CDH16: variants seen among roughly 807,000 people sequenced by gnomAD.
The protein encoded by CDH16 is cadherin 16, also known as cadherin-16.
In CDH16, 79 loss-of-function variants were observed where a neutral mutation model predicts 87.6. That is an observed-to-expected ratio of 0.90 (90% CI 0.75 to 1.09). The LOEUF is 1.09. Among genes scored for constraint, CDH16 ranks in the 50% least tolerant of loss-of-function variants. The pLI is 0.00. For synonymous variants in CDH16, 457 were observed against 439.5 expected (o/e 1.04, Z -0.50); for missense variants, 1,124 against 1,071.7 (o/e 1.05, Z -0.68).
At position 66,914,413 on chromosome 16, in the gene CDH16, C is replaced by G; in HGVS notation, c.584-1G>C. 6.2e-7 allele frequency: 1 copy of G among 1,610,780 alleles called. No individual in the cohort carries two copies. Among genetic ancestry groups the G allele is most frequent in the Non-Finnish European group, 8.5e-7 (1 of 1,177,486 alleles). ...AGGGCGTGGTCAAGGCTGGTGCTCC[C>G]TAGAACAGGGAGGATGGTCAGCTGA... On this transcript the variant is annotated splice_acceptor_variant, in intron 6 of 17. Coordinates refer to ENST00000299752, the MANE Select transcript of CDH16 (RefSeq NM_004062.4). LOFTEE classifies it high-confidence loss of function.
rs1962732804 is a variant in CDH16 at position 66,917,530 on chromosome 16, T to C, written c.129+112A>G. Reference sequence around the variant, plus strand: ...ACCTGTGTAACGTGTACATACTCTCTGGAAAGCAGGATTTCAAAGAGAAAC... The same window carrying C: ...ACCTGTGTAACGTGTACATACTCTCCGGAAAGCAGGATTTCAAAGAGAAAC... On this transcript the variant is annotated intron_variant, in intron 3 of 17. Coordinates refer to ENST00000299752, the MANE Select transcript of CDH16 (RefSeq NM_004062.4). 5.1e-6 allele frequency: 4 copies of C among 779,810 alleles called. No individual in the cohort carries two copies. In the Admixed American group the frequency reaches 8.0e-5, roughly 16 times the overall value. 48.3% of individuals were successfully genotyped at this position (779,810 alleles called of 1,614,324 possible). A position where few individuals can be genotyped will look rare whatever the true frequency, so the allele number is the denominator to read the frequency against.
At position 66,912,716 on chromosome 16, in the gene CDH16, G is replaced by T. The variant is rs778877231; in HGVS notation, c.1230C>A (p.Gly410=). The T allele has an allele frequency of 6.2e-7, 1 of 1,613,926 alleles. No homozygotes were observed. Among genetic ancestry groups the T allele is most frequent in the Admixed American group, 1.7e-5 (1 of 60,012 alleles). The part of the protein sequence containing the change: ...VTLGVLPLRA[G]QNILLLVLAM... ...CCAGCACCAGAAGCAGGATGTTCTG[G>T]CCTGCTCGGAGTGGGAGCACCCCCA... Residue 410 remains glycine, a synonymous_variant, in exon 10 of 18, where the codon GGC becomes GGA. Coordinates refer to ENST00000299752, the MANE Select transcript of CDH16 (RefSeq NM_004062.4).
At position 66,916,258 on chromosome 16, in the gene CDH16, C is replaced by A. The variant is rs762743558; in HGVS notation, c.285+16G>T. 4 of 1,613,786 alleles carry A rather than the reference C, an allele frequency of 2.5e-6. No individual in the cohort carries two copies. The highest frequency in any genetic ancestry group is 2.2e-5 in the South Asian group (2 of 91,082). On this transcript the variant is annotated intron_variant, in intron 4 of 17. Coordinates refer to ENST00000299752, the MANE Select transcript of CDH16 (RefSeq NM_004062.4). This position sits in a 1 kb window ranked among gnomAD's most constrained non-coding sequence, Gnocchi z 4.1. The stretch of plus-strand genomic sequence containing the variant: ...TCTGCCTTGCCTGCTCTCCCCTACA[C>A]CTGGCCCAGCCATACCTGTAGCTGG...
rs1477633257 is a variant in CDH16, at chr16:66,916,092, C to A, written c.397G>T (p.Ala133Ser). The A allele has an allele frequency of 1.9e-6, 3 of 1,614,140 alleles. No homozygotes were observed. The Admixed American group carries it at 5.0e-5, about 27-fold the overall frequency. ...VPHFSQAIYRARLSRGTRPGI... is the reference protein window; with the variant it reads ...VPHFSQAIYRSRLSRGTRPGI... ...GGCCTGGTACCCCGGCTCAGCCGAG[C>A]TCTGTAGATGGCTTGAGAGAAATGG... Residue 133 changes from alanine to serine, a missense_variant, in exon 5 of 18, where the codon GCT becomes TCT. By Grantham distance (99) the Ala-to-Ser change is moderately conservative. Coordinates refer to ENST00000299752, the MANE Select transcript of CDH16 (RefSeq NM_004062.4). The surrounding 1 kb of genome is among the most constrained non-coding windows in gnomAD (Gnocchi z 4.1).
chr16:66,911,942 G>T lies in CDH16; in HGVS notation c.1747C>A (p.Leu583Met). The change falls in exon 13 of 18, where the codon CTG becomes ATG. Residue 583 changes from leucine to methionine, a missense_variant. Transcript: ENST00000299752. ...VPISAPAGSF[L>M]LTIQPSDPIS... is the part of the protein sequence containing the mutation. Reference sequence around the variant, plus strand: ...GGGTCGGAGGGCTGGATGGTCAGCAGGAAAGAGCCGGCTGGGGCACTGATG... The same window carrying T: ...GGGTCGGAGGGCTGGATGGTCAGCATGAAAGAGCCGGCTGGGGCACTGATG... The T allele has an allele frequency of 6.2e-7, 1 of 1,612,518 alleles. No individual in the cohort carries two copies. The highest frequency in any genetic ancestry group is 8.5e-7 in the Non-Finnish European group (1 of 1,178,764).
rs1256199153 is a variant in CDH16, at chr16:66,911,224, G to A, written c.1882C>T (p.Pro628Ser). ...ACAAGCACCGTGTAGGTGTCCCCAG[G>A]CTGGGCGCCCTGCAGGGACTGGGCG... ...HTAQSLQGAQ[P>S]GDTYTVLVEA... is the part of the protein sequence containing the mutation. Residue 628 changes from proline (P) to serine (S), a missense_variant, in exon 14 of 18, where the codon CCT becomes TCT. Coordinates refer to ENST00000299752, the MANE Select transcript of CDH16 (RefSeq NM_004062.4). 4.3e-6 allele frequency: 7 copies of A among 1,613,500 alleles called. No homozygotes were observed. The South Asian group carries it at 5.5e-5, about 13-fold the overall frequency.
At chr16:66,911,659 G>T (rs1962421263) in intron 13 of CDH16, among the ~76,000 whole-genome samples, 1 of 152,194 alleles carries the variant, frequency 6.6e-6, no homozygotes, top group South Asian at 2.1e-4. Flanking sequence ...AGGAGGGCCT[G>T]GTCCTCCCTC....
Position 66,914,420 on chromosome 16 carries a change from A to G in CDH16, c.584-8T>C. 3.1e-6 allele frequency: 5 copies of G among 1,606,912 alleles called. No homozygotes were observed. The highest frequency in any genetic ancestry group is 3.4e-6 in the Non-Finnish European group (4 of 1,174,412). ...GGTCAAGGCTGGTGCTCCCTAGAACAGGGAGGATGGTCAGCTGAGCAGGCA... is the reference window on the plus strand; with the variant it reads ...GGTCAAGGCTGGTGCTCCCTAGAACGGGGAGGATGGTCAGCTGAGCAGGCA... On this transcript the variant is annotated splice_polypyrimidine_tract_variant and splice_region_variant and intron_variant, in intron 6 of 17. Coordinates refer to ENST00000299752, the MANE Select transcript of CDH16 (RefSeq NM_004062.4).
At chr16:66,913,322 C>T in intron 8 of CDH16, 41 bp from the exon 9 acceptor site, 1 of 1,547,532 alleles carries the variant, frequency 6.5e-7, no homozygotes, top group Non-Finnish European at 8.7e-7. Flanking sequence ...GGACCAAGGG[C>T]AGCTCCAGCC....
At chr16:66,915,191 C>G in intron 6 of CDH16, 29 bp downstream of exon 6, 1 of 1,572,642 alleles carries the variant, frequency 6.4e-7, no homozygotes, top group Non-Finnish European at 8.6e-7. Context: ...TCTGACCCTC[C>G]CTCCCCAGCA....
At chr16:66,917,806 G>T (rs1352157318) in intron 2 of CDH16, 81 bp from the exon 3 acceptor site, 2 of 1,288,180 alleles carry the variant, frequency 1.6e-6, no homozygotes, top group Admixed American at 4.3e-5. Flanking sequence ...CGGAATTTCC[G>T]CCCCTTCCCA....
intron 8 of CDH16, 69 bp downstream of exon 8, chr16:66,913,422 C>A: frequency 3.1e-6 from 5 of 1,605,556 alleles, no homozygotes; most frequent in Non-Finnish European, 4.3e-6. Flanking sequence ...AGTTGTGACA[C>A]CCCCAAAAGC....
intron 5 of CDH16, 157 bp from the exon 6 acceptor site, chr16:66,915,535 CA>C (rs1397793938): frequency 5.3e-6 from 4 of 755,578 alleles, no homozygotes; most frequent in East Asian, 5.7e-5. Context: ...CCCAGATGAG[CA>C]AACTGAAGCC....
intron 3 of CDH16, among the ~76,000 whole-genome samples, chr16:66,917,094 T>C (rs1962711595): frequency 6.8e-6 from 1 of 147,218 alleles, no homozygotes; most frequent in Non-Finnish European, 1.5e-5. Context: ...AAGACCAGCC[T>C]GGCCAACATG....
intron 2 of CDH16, 116 bp from the exon 3 acceptor site, chr16:66,917,841 C>T (rs986988457): frequency 1.9e-6 from 2 of 1,032,664 alleles, no homozygotes; most frequent in Non-Finnish European, 1.4e-6. Flanking sequence ...CTTAGTCCAT[C>T]CACCCGCGCT....
At chr16:66,915,151 A>C in intron 6 of CDH16, 69 bp downstream of exon 6, 1 of 1,434,144 alleles carries the variant, frequency 7.0e-7, no homozygotes, top group South Asian at 1.3e-5. Flanking sequence ...TGCTTGTCTT[A>C]TGGTTCAGAT....
chr16:66,913,351 C>T, intron 8 of CDH16, 70 bp from the exon 9 acceptor site: 1 of 1,552,190 alleles, frequency 6.4e-7, no homozygotes, highest in Non-Finnish European at 8.7e-7. Context: ...CTCTGAGTTT[C>T]CTTCCGGTGG....
chr16:66,916,464 G>A lies in CDH16; in HGVS notation c.130-35C>T. On this transcript the variant is annotated intron_variant, in intron 3 of 17. Coordinates refer to ENST00000299752, the MANE Select transcript of CDH16 (RefSeq NM_004062.4). This position sits in a 1 kb window ranked among gnomAD's most constrained non-coding sequence, Gnocchi z 4.1. ...ATGAACAGAAGTGAAGGGAGCGGTG[G>A]CCAGGCCTGGGAGATGCCCCTCCTC... The A allele has an allele frequency of 6.5e-7, 1 of 1,546,380 alleles. No homozygotes were observed. The highest frequency in any genetic ancestry group is 8.7e-7 in the Non-Finnish European group (1 of 1,144,726).
Position 66,912,652 on chromosome 16 carries a change from C to T in CDH16, c.1282+12G>A. The T allele has an allele frequency of 6.2e-7, 1 of 1,614,042 alleles. No homozygotes were observed. The highest frequency in any genetic ancestry group is 8.5e-7 in the Non-Finnish European group (1 of 1,179,958). On this transcript the variant is annotated intron_variant, in intron 10 of 17. Transcript: ENST00000299752. ...GGGACAGGGGGCCTGGGTCACCAATCAGGGCACTTACCACCCTCTGCGCCT... is the reference window on the plus strand; with the variant it reads ...GGGACAGGGGGCCTGGGTCACCAATTAGGGCACTTACCACCCTCTGCGCCT...
Sources: gnomAD v4.1 joint callset for allele counts (sites outside exome capture counted in the v4.1 genomes callset) on GRCh38, gnomAD v4.1.1 for gene constraint, Gnocchi (gnomAD v3.1) non-coding constraint, MANE v1.5 for transcripts, NCBI Gene and HGNC (gene_info 2026-07-23, HGNC 2026-07-21) for gene names.